Variants in TTC3 observed in about 807,000 individuals in gnomAD.
TTC3 encodes the protein tetratricopeptide repeat domain 3.
TTC3 carries 180 observed loss-of-function variants against 249.6 expected under a neutral mutation model. The ratio of observed to expected loss-of-function variants is 0.72; its 90% CI spans 0.64 to 0.82. The LOEUF (loss-of-function observed/expected upper bound fraction) is 0.82. Ranked by LOEUF, TTC3 falls within the 40% of genes least tolerant of loss-of-function variation. TTC3 has a pLI of 0.00. For synonymous variants in TTC3, 717 were observed against 805.0 expected (o/e 0.89, Z 1.85); for missense variants, 2,061 against 2,398.4 (o/e 0.86, Z 2.94).
At chr21:37,084,710 C>T (rs2072176683) in intron 1 of TTC3, among the ~76,000 whole-genome samples, 1 of 152,130 alleles carries the variant, frequency 6.6e-6, no homozygotes, top group African/African-American at 2.4e-5. Context: ...AAACAAAATA[C>T]AAGGCCGGGT....
At chr21:37,122,438 TATA>T (rs770965465) in intron 12 of TTC3, among the ~76,000 whole-genome samples, 18,070 of 55,208 alleles carry the variant, frequency 0.33, 1,504 homozygotes, top group Admixed American at 0.37. Context: ...ATATATATAT[TATA>T]TATATATATA....
Position 37,121,986 on chromosome 21 carries a change from C to T in TTC3, c.1063+7C>T. The stretch of plus-strand genomic sequence containing the variant: ...CAAATAGAAGACCTACAAGGTATTT[C>T]ACCTAAGATTCTTTTGGTTACAGTC... On this transcript the variant is annotated splice_region_variant and intron_variant, in intron 12 of 45. Transcript: ENST00000355666. 3 of 1,598,708 alleles carry T rather than the reference C, an allele frequency of 1.9e-6. No individual in the cohort carries two copies. The highest frequency in any genetic ancestry group is 1.7e-6 in the Non-Finnish European group (2 of 1,173,394).
intron 32 of TTC3, 71 bp downstream of exon 32, chr21:37,164,286 A>G (rs2081050404): frequency 7.4e-7 from 1 of 1,350,198 alleles, no homozygotes; most frequent in Admixed American, 3.1e-5. Context: ...GAAGTTGTTT[A>G]ATTTGTGCCT....
chr21:37,074,162 G>A (rs2070466729), intron 1 of TTC3, among the ~76,000 whole-genome samples: 1 of 152,146 alleles, frequency 6.6e-6, no homozygotes, highest in South Asian at 2.1e-4. Flanking sequence ...ACGGACCCAG[G>A]AGGGGGGTAA....
chr21:37,089,119 G>A (rs1204987177), intron 5 of TTC3, among the ~76,000 whole-genome samples: 4 of 152,158 alleles, frequency 2.6e-5, no homozygotes, highest in African/African-American at 9.7e-5. Context: ...TGTCATTAAA[G>A]GATAGAAATT....
intron 18 of TTC3, among the ~76,000 whole-genome samples, chr21:37,135,944 A>C (rs181462110): frequency 3.9e-5 from 6 of 151,948 alleles, no homozygotes; most frequent in African/African-American, 1.4e-4. Flanking sequence ...TGCTCACCTC[A>C]TGTCTCTGTG....
At chr21:37,122,019 C>A (rs1456536398) in intron 12 of TTC3, 40 bp downstream of exon 12, 2 of 1,542,854 alleles carry the variant, frequency 1.3e-6, no homozygotes, top group Non-Finnish European at 1.7e-6. Context: ...GTCTTAATTC[C>A]CTTTCAAACT....
intron 28 of TTC3, 196 bp downstream of exon 28, chr21:37,157,102 A>G (rs1265204631): frequency 7.1e-7 from 1 of 1,401,320 alleles, no homozygotes; most frequent in Non-Finnish European, 9.7e-7. Context: ...TATCAGTTAA[A>G]GAGATACTCA....
chr21:37,168,203 C>G (rs1324059662), intron 34 of TTC3, among the ~76,000 whole-genome samples: 1 of 152,092 alleles, frequency 6.6e-6, no homozygotes, highest in African/African-American at 2.4e-5. Flanking sequence ...TATTTCTCAA[C>G]ATGCTAATAT....
exon 38 of TTC3, chr21:37,187,083 G>C: frequency 1.3e-6 from 2 of 1,562,074 alleles, no homozygotes; most frequent in Non-Finnish European, 1.7e-6. Context: ...GAAAATAGAA[G>C]AGTATATAAA....
chr21:37,146,436 T>C (rs1425706402), intron 21 of TTC3, among the ~76,000 whole-genome samples: 1 of 152,054 alleles, frequency 6.6e-6, no homozygotes, highest in East Asian at 1.9e-4. Flanking sequence ...GAAGGGTCAG[T>C]TGAGCCCAGG....
chr21:37,193,502 G>A (rs570612571), intron 41 of TTC3, among the ~76,000 whole-genome samples: 10 of 152,226 alleles, frequency 6.6e-5, no homozygotes, highest in Admixed American at 4.6e-4. Context: ...ATCATTTATC[G>A]TTTTTCCAAG....
intron 29 of TTC3, 33 bp from the exon 30 acceptor site, chr21:37,160,769 G>C: frequency 6.2e-7 from 1 of 1,608,444 alleles, no homozygotes; most frequent in Non-Finnish European, 8.5e-7. Context: ...GCTGTTATTT[G>C]AGTGTTCACT....
intron 28 of TTC3, among the ~76,000 whole-genome samples, chr21:37,159,353 T>G (rs567858890): frequency 6.6e-6 from 1 of 152,336 alleles, no homozygotes; most frequent in East Asian, 1.9e-4. Flanking sequence ...CTTAGCACGC[T>G]GGGTTACAGG....
intron 27 of TTC3, among the ~76,000 whole-genome samples, chr21:37,153,939 A>G (rs994995894): frequency 6.6e-6 from 1 of 152,202 alleles, no homozygotes; most frequent in Non-Finnish European, 1.5e-5. Context: ...TCACAGGATT[A>G]TATAACTCTG....
intron 1 of TTC3, among the ~76,000 whole-genome samples, chr21:37,075,884 T>G (rs2070774687): frequency 1.3e-5 from 2 of 152,220 alleles, no homozygotes; most frequent in Admixed American, 1.3e-4. Flanking sequence ...GTATTTTTTT[T>G]CTTATGATGA....
chr21:37,118,064 A>G (rs895007723), intron 11 of TTC3, among the ~76,000 whole-genome samples: 1 of 152,078 alleles, frequency 6.6e-6, no homozygotes, highest in African/African-American at 2.4e-5. Flanking sequence ...AGATAAAAAC[A>G]TATAACCACT....
intron 34 of TTC3, among the ~76,000 whole-genome samples, chr21:37,168,428 C>T (rs2081434012): frequency 6.6e-6 from 1 of 151,980 alleles, no homozygotes; most frequent in Non-Finnish European, 1.5e-5. Context: ...TAAACCTATA[C>T]TTGTATATAA....
Position 37,087,823 on chromosome 21 carries a change from T to C in TTC3, c.145-10T>C, listed in dbSNP as rs2072709179. On this transcript the variant is annotated splice_polypyrimidine_tract_variant and intron_variant, in intron 2 of 45. Coordinates refer to ENST00000355666, the Ensembl canonical transcript of TTC3. ...CTAGACACAAATCAAAATAATTTTC[T>C]TCTTTTTAGGGTGTGCAATATAAAG... 1.3e-6 allele frequency: 2 copies of C among 1,583,864 alleles called. No homozygotes were observed. The highest frequency in any genetic ancestry group is 1.4e-5 in the African/African-American group (1 of 73,674).
Sources: allele counts gnomAD v4.1 joint callset (sites outside exome capture counted in the v4.1 genomes callset), GRCh38; gene constraint gnomAD v4.1.1; transcripts MANE v1.5; gene names NCBI Gene and HGNC (gene_info 2026-07-23, HGNC 2026-07-21).